The following ENPP1 variants were observed in gnomAD, a reference collection of about 807,000 sequenced individuals.
ENPP1 encodes the protein ectonucleotide pyrophosphatase/phosphodiesterase family member 1.
ENPP1 carries 73 observed loss-of-function variants against 122.8 expected under a neutral mutation model. The ratio of observed to expected loss-of-function variants is 0.59; its 90% CI spans 0.49 to 0.72. The LOEUF (loss-of-function observed/expected upper bound fraction) is 0.72, where lower values mean the gene tolerates loss of function less well. ENPP1 is among the 30% of genes least tolerant of loss of function. The pLI, the probability that ENPP1 is intolerant of heterozygous loss-of-function variation, is 0.00. For synonymous variants in ENPP1, 367 were observed against 391.6 expected (o/e 0.94, Z 0.74); for missense variants, 978 against 1,128.1 (o/e 0.87, Z 1.91).
chr6:131,889,954 CTGT>C (rs977054559), intron 24 of ENPP1, among the ~76,000 whole-genome samples: 10 of 150,306 alleles, frequency 6.7e-5, no homozygotes, highest in South Asian at 2.1e-4. Flanking sequence ...TAGCTAGCGT[CTGT>C]TGTTTTTTGA....
At chr6:131,824,782 C>T (rs533629883) in intron 1 of ENPP1, among the ~76,000 whole-genome samples, 104 of 151,528 alleles carry the variant, frequency 6.9e-4, no homozygotes, top group African/African-American at 2.2e-3. Flanking sequence ...AATTGGAGGC[C>T]GGGTGCAGTG....
chr6:131,887,633 A>C (rs1370924135), intron 24 of ENPP1, among the ~76,000 whole-genome samples: 2 of 128,178 alleles, frequency 1.6e-5, no homozygotes, highest in Non-Finnish European at 3.2e-5. Flanking sequence ...ATCTCGGCTC[A>C]CTGCAAGCTC....
intron 19 of ENPP1, 22 bp from the exon 20 acceptor site, chr6:131,879,858 T>A (rs1782278689): frequency 6.2e-7 from 1 of 1,607,906 alleles, no homozygotes; most frequent in South Asian, 1.1e-5. Flanking sequence ...TAACTACATT[T>A]ATTTTCATCC....
chr6:131,883,433 T>TG (rs1782338123), intron 21 of ENPP1, among the ~76,000 whole-genome samples: 1 of 152,212 alleles, frequency 6.6e-6, no homozygotes, highest in East Asian at 1.9e-4. Flanking sequence ...AACGTTTGAA[T>TG]ATGTTTAATT....
chr6:131,831,417 C>T (rs2114671265), intron 1 of ENPP1, among the ~76,000 whole-genome samples: 2 of 151,848 alleles, frequency 1.3e-5, no homozygotes, highest in East Asian at 3.9e-4. Flanking sequence ...AAAGTCCATA[C>T]TTTATTCAGA....
intron 15 of ENPP1, among the ~76,000 whole-genome samples, chr6:131,873,891 C>G (rs994692519): frequency 4.6e-5 from 7 of 152,020 alleles, no homozygotes; most frequent in Non-Finnish European, 8.8e-5. Flanking sequence ...TATCTAAACA[C>G]CATGTTGCAA....
At chr6:131,852,353 T>A in intron 5 of ENPP1, 118 bp downstream of exon 5, 1 of 687,590 alleles carries the variant, frequency 1.5e-6, no homozygotes, top group South Asian at 1.6e-5. Flanking sequence ...ACATTACAGG[T>A]TGAGTATCCT....
At chr6:131,812,649 G>A (rs1252883158) in intron 1 of ENPP1, among the ~76,000 whole-genome samples, 4 of 152,148 alleles carry the variant, frequency 2.6e-5, no homozygotes, top group Non-Finnish European at 5.9e-5. Flanking sequence ...ACTGTGGCTC[G>A]GGGAAACACT....
Position 131,849,981 on chromosome 6 carries a change from T to C in ENPP1, c.314-9T>C. On this transcript the variant is annotated splice_polypyrimidine_tract_variant and intron_variant, in intron 2 of 24. Coordinates refer to ENST00000647893, the MANE Select transcript of ENPP1 (RefSeq NM_006208.3). The stretch of plus-strand genomic sequence containing the variant: ...TAGAAACATCTGACTTATCGTTCAA[T>C]TTTTTCAGTTAAAAGTTGCAAAGGT... The C allele has an allele frequency of 1.3e-6, 2 of 1,592,728 alleles. No homozygotes were observed. Among genetic ancestry groups the C allele is most frequent in the African/African-American group, 2.7e-5 (2 of 74,656 alleles).
chr6:131,810,728 G>A (rs533074564), intron 1 of ENPP1, among the ~76,000 whole-genome samples: 3 of 147,830 alleles, frequency 2.0e-5, no homozygotes, highest in South Asian at 2.1e-4. Flanking sequence ...GAAGAGTTGC[G>A]TTGCCTTGCC....
chr6:131,827,132 TG>T, intron 1 of ENPP1: 1 of 715,716 alleles, frequency 1.4e-6, no homozygotes, highest in Non-Finnish European at 2.6e-6. Flanking sequence ...GGAAGACTGT[TG>T]AGCATAAAAA....
Position 131,885,243 on chromosome 6 carries a change from G to A in ENPP1, c.2444+180G>A, listed in dbSNP as rs527978164. On this transcript the variant is annotated intron_variant, in intron 23 of 24. Transcript: ENST00000647893. ...GATTAATTTTGATGTTTTGCTCAATGTTCAGTAAAATATTTTTAGGTAAAA... is the reference window on the plus strand; with the variant it reads ...GATTAATTTTGATGTTTTGCTCAATATTCAGTAAAATATTTTTAGGTAAAA... Among the ~76,000 whole-genome samples the A allele has an allele frequency of 3.0e-4, 45 of 152,292 alleles. 1 individual carries two copies. In the Middle Eastern group the frequency reaches 0.014, roughly 46 times the overall value.
chr6:131,847,870 T>TGC (rs750409912), intron 2 of ENPP1, 22 bp downstream of exon 2: 2 of 1,422,630 alleles, frequency 1.4e-6, no homozygotes, highest in African/African-American at 2.8e-5. Context: ...TGTGTGTGTG[T>TGC]GTGTGTGTGT....
rs375927899 is a variant in ENPP1 at position 131,834,592 on chromosome 6, G to A, written c.241-13184G>A. Among the ~76,000 whole-genome samples, 61 of 150,248 alleles carry A rather than the reference G, an allele frequency of 4.1e-4. No individual in the cohort carries two copies. In the South Asian group the frequency reaches 0.012, roughly 31 times the overall value. ...GTCGCCCACGCTGGAGTGCAGTGGCGTGATCTCAGCCCATTGCAACCTCCG... is the reference window on the plus strand; with the variant it reads ...GTCGCCCACGCTGGAGTGCAGTGGCATGATCTCAGCCCATTGCAACCTCCG... On this transcript the variant is annotated intron_variant, in intron 1 of 24. Coordinates refer to ENST00000647893, the MANE Select transcript of ENPP1 (RefSeq NM_006208.3).
chr6:131,830,422 C>T (rs1781596655), intron 1 of ENPP1, among the ~76,000 whole-genome samples: 1 of 152,150 alleles, frequency 6.6e-6, no homozygotes, highest in Admixed American at 6.5e-5. Context: ...CTATAGGTGA[C>T]CACTCCCAGC....
At chr6:131,813,499 C>T (rs1488080363) in intron 1 of ENPP1, among the ~76,000 whole-genome samples, 1 of 151,096 alleles carries the variant, frequency 6.6e-6, no homozygotes, top group Non-Finnish European at 1.5e-5. Context: ...CATTACACTC[C>T]AGCCTAGGTG....
At chr6:131,840,838 C>T (rs9493110) in intron 1 of ENPP1, among the ~76,000 whole-genome samples, 11,678 of 152,130 alleles carry the variant, frequency 0.077, 892 homozygotes, top group African/African-American at 0.2. Flanking sequence ...GGAATTTGAA[C>T]CAAAGTCATT....
At chr6:131,843,673 T>C (rs200034364) in intron 1 of ENPP1, among the ~76,000 whole-genome samples, 24 of 151,182 alleles carry the variant, frequency 1.6e-4, no homozygotes, top group East Asian at 5.8e-4. Flanking sequence ...TTTTTTTTTT[T>C]CCCCCATTTT....
chr6:131,818,240 G>A (rs893770811), intron 1 of ENPP1, among the ~76,000 whole-genome samples: 1 of 151,858 alleles, frequency 6.6e-6, no homozygotes, highest in African/African-American at 2.4e-5. Context: ...CTTAGCAGAC[G>A]TCATTGCAAT....
Sources: gnomAD v4.1 joint callset for allele counts (sites outside exome capture counted in the v4.1 genomes callset) on GRCh38, gnomAD v4.1.1 for gene constraint, MANE v1.5 for transcripts, NCBI Gene and HGNC (gene_info 2026-07-23, HGNC 2026-07-21) for gene names.